Variants in EXOC6B observed in about 807,000 individuals in gnomAD.
The protein encoded by EXOC6B is exocyst complex component 6B, also known as SEC15 homolog B.
EXOC6B carries 54 observed loss-of-function variants against 113.5 expected under a neutral mutation model. The observed-to-expected ratio is 0.48, with a 90% CI of 0.38 to 0.60. The LOEUF (loss-of-function observed/expected upper bound fraction) is 0.60. Ranked by LOEUF, EXOC6B falls within the 20% of genes least tolerant of loss-of-function variation. The probability of loss-of-function intolerance (pLI) is 0.00; values close to 1 mark genes in which losing one functional copy is unlikely to be tolerated. For missense variants in EXOC6B, 797 were observed against 977.5 expected (o/e 0.82, Z 2.46); for synonymous variants, 357 against 339.0 (o/e 1.05, Z -0.58).
intron 6 of EXOC6B, among the ~76,000 whole-genome samples, chr2:72,599,912 A>G (rs1484459198): frequency 6.6e-6 from 1 of 152,184 alleles, no homozygotes. Flanking sequence ...GAAATAAATG[A>G]AGAGGTATTC....
chr2:72,330,354 A>C (rs1038364076), intron 20 of EXOC6B, among the ~76,000 whole-genome samples: 1 of 152,084 alleles, frequency 6.6e-6, no homozygotes, highest in African/African-American at 2.4e-5. Context: ...GACATAAAAG[A>C]AGAGGTATAT....
At chr2:72,750,253 T>C (rs974787268) in intron 1 of EXOC6B, among the ~76,000 whole-genome samples, 2 of 152,052 alleles carry the variant, frequency 1.3e-5, no homozygotes, top group East Asian at 3.9e-4. Context: ...AGAGGATGGA[T>C]GGAAAGGCAT....
chr2:72,474,870 C>T (rs1698638323), intron 17 of EXOC6B, among the ~76,000 whole-genome samples: 1 of 152,138 alleles, frequency 6.6e-6, no homozygotes. Context: ...TCTACTATAA[C>T]AGTCACTTCT....
intron 5 of EXOC6B, among the ~76,000 whole-genome samples, chr2:72,730,288 G>T (rs1044000590): frequency 1.3e-5 from 2 of 152,100 alleles, no homozygotes; most frequent in Non-Finnish European, 1.5e-5. Context: ...TTTTAGATGA[G>T]ATTAACATTT....
intron 7 of EXOC6B, among the ~76,000 whole-genome samples, chr2:72,568,559 A>G (rs1486787007): frequency 2.0e-5 from 3 of 152,028 alleles, no homozygotes; most frequent in Non-Finnish European, 1.5e-5. Context: ...ACGCACGCAC[A>G]CACCTATTCT....
At chr2:72,524,033 G>T (rs1035202772) in intron 8 of EXOC6B, among the ~76,000 whole-genome samples, 21 of 151,612 alleles carry the variant, frequency 1.4e-4, no homozygotes, top group African/African-American at 5.1e-4. Context: ...TCTGCCTACA[G>T]GAAGCAATAT....
chr2:72,786,218 C>T (rs1389780185), intron 1 of EXOC6B, among the ~76,000 whole-genome samples: 2 of 152,106 alleles, frequency 1.3e-5, no homozygotes, highest in Non-Finnish European at 2.9e-5. Flanking sequence ...GTCCTCTATA[C>T]CAACATAGAT....
rs528609278 is a variant in EXOC6B, at chr2:72,742,522, A to C, written c.114-1053T>G. ...ACACATCCCTCTTCCCTTCCCAGCAAAACTCCCTTCCACTTCCTCACTTCT... is the reference window on the plus strand; with the variant it reads ...ACACATCCCTCTTCCCTTCCCAGCACAACTCCCTTCCACTTCCTCACTTCT... On this transcript the variant is annotated intron_variant, in intron 1 of 21. Coordinates refer to ENST00000272427, the MANE Select transcript of EXOC6B (RefSeq NM_015189.3). Among the ~76,000 whole-genome samples the C allele has an allele frequency of 2.0e-5, 3 of 152,126 alleles. No individual in the cohort carries two copies. In the South Asian group the frequency reaches 6.2e-4, roughly 32 times the overall value.
At chr2:72,462,532 T>C (rs1344095783) in intron 18 of EXOC6B, 1 of 152,106 alleles carries the variant, frequency 6.6e-6, no homozygotes, top group Non-Finnish European at 1.5e-5. Context: ...CACTCATTAA[T>C]TGGATTAGTG....
intron 20 of EXOC6B, among the ~76,000 whole-genome samples, chr2:72,297,234 T>C (rs1686192572): frequency 6.6e-6 from 1 of 152,226 alleles, no homozygotes; most frequent in South Asian, 2.1e-4. Flanking sequence ...GGGATACATG[T>C]GAAGGTTTAT....
chr2:72,433,691 G>A (rs1308381002), intron 18 of EXOC6B, among the ~76,000 whole-genome samples: 1 of 152,200 alleles, frequency 6.6e-6, no homozygotes, highest in Non-Finnish European at 1.5e-5. Flanking sequence ...GCTCACTCAT[G>A]ATGTGGCTCT....
At chr2:72,221,546 T>C (rs1251893159) in intron 20 of EXOC6B, among the ~76,000 whole-genome samples, 1 of 152,150 alleles carries the variant, frequency 6.6e-6, no homozygotes, top group Non-Finnish European at 1.5e-5. Flanking sequence ...ACAGCACTTA[T>C]TTACAACTAC....
chr2:72,428,263 A>G (rs1230283637), intron 18 of EXOC6B, among the ~76,000 whole-genome samples: 1 of 152,230 alleles, frequency 6.6e-6, no homozygotes, highest in Non-Finnish European at 1.5e-5. Flanking sequence ...GTTCCAGGCA[A>G]AGATAAGGAG....
At chr2:72,605,927 T>C (rs1055450519) in intron 6 of EXOC6B, among the ~76,000 whole-genome samples, 3 of 152,182 alleles carry the variant, frequency 2.0e-5, no homozygotes, top group African/African-American at 7.2e-5. Context: ...ACATATCATA[T>C]AATATGTGAA....
intron 20 of EXOC6B, among the ~76,000 whole-genome samples, chr2:72,203,463 C>G (rs1241724586): frequency 1.3e-5 from 2 of 152,260 alleles, no homozygotes; most frequent in South Asian, 4.1e-4. Context: ...ATTTGCTGGT[C>G]ACAGAGTGGT....
intron 18 of EXOC6B, among the ~76,000 whole-genome samples, chr2:72,385,826 G>A (rs1254501215): frequency 1.3e-5 from 2 of 152,080 alleles, no homozygotes; most frequent in Non-Finnish European, 2.9e-5. Context: ...CCTCTCATTT[G>A]TTACAATGAA....
intron 6 of EXOC6B, among the ~76,000 whole-genome samples, chr2:72,704,277 A>G (rs1025975585): frequency 7.9e-5 from 12 of 151,376 alleles, no homozygotes; most frequent in Non-Finnish European, 1.8e-4. Context: ...CTTTGAAACC[A>G]ACGAGAACAA....
At chr2:72,346,846 T>C (rs1347660062) in intron 19 of EXOC6B, among the ~76,000 whole-genome samples, 6 of 152,076 alleles carry the variant, frequency 3.9e-5, no homozygotes, top group Non-Finnish European at 5.9e-5. Flanking sequence ...AGACAAATAA[T>C]AGCCAAGGAT....
chr2:72,513,390 A>G, intron 10 of EXOC6B, 138 bp from the exon 11 acceptor site: 2 of 1,097,156 alleles, frequency 1.8e-6, no homozygotes, highest in Non-Finnish European at 2.6e-6. Context: ...CTTATTCAGT[A>G]GAATAAATGA....
Sources: allele counts gnomAD v4.1 joint callset (sites outside exome capture counted in the v4.1 genomes callset), GRCh38; gene constraint gnomAD v4.1.1; transcripts MANE v1.5; gene names NCBI Gene and HGNC (gene_info 2026-07-23, HGNC 2026-07-21).